The following PLEKHA4 variants were observed in gnomAD, a reference collection of about 807,000 sequenced individuals.
PLEKHA4 encodes pleckstrin homology domain containing A4, also known as pleckstrin homology domain-containing family A member 4.
In PLEKHA4, 73 loss-of-function variants were observed where a neutral mutation model predicts 94.7. The ratio of observed to expected loss-of-function variants is 0.77; its 90% CI spans 0.64 to 0.94. PLEKHA4 has a LOEUF of 0.94. Among genes scored for constraint, PLEKHA4 ranks in the 40% least tolerant of loss-of-function variants. PLEKHA4 has a pLI of 0.00. For missense variants in PLEKHA4, 1,049 were observed against 1,054.1 expected (o/e 1.00, Z 0.07); for synonymous variants, 449 against 437.1 (o/e 1.03, Z -0.34).
At chr19:48,862,994 A>G (rs1318611036) in intron 3 of PLEKHA4, among the ~76,000 whole-genome samples, 2 of 152,206 alleles carry the variant, frequency 1.3e-5, no homozygotes, top group African/African-American at 4.8e-5. Flanking sequence ...AGACACAGAG[A>G]GGCCAGGAAG....
At chr19:48,839,027 T>C (rs1466950061) in intron 18 of PLEKHA4, among the ~76,000 whole-genome samples, 178 bp downstream of exon 18, 1 of 152,162 alleles carries the variant, frequency 6.6e-6, no homozygotes, top group Non-Finnish European at 1.5e-5. Flanking sequence ...GAACTAAAGA[T>C]ATCACTACGG....
chr19:48,859,277 T>C, intron 7 of PLEKHA4, 138 bp from the exon 8 acceptor site: 1 of 903,336 alleles, frequency 1.1e-6, no homozygotes, highest in Non-Finnish European at 1.7e-6. Context: ...CCTCCTCTAC[T>C]GTCCAAATCC....
intron 9 of PLEKHA4, among the ~76,000 whole-genome samples, chr19:48,857,183 G>A (rs945069817): frequency 1.3e-5 from 2 of 152,114 alleles, no homozygotes; most frequent in African/African-American, 4.8e-5. Flanking sequence ...TTCAGTGGAA[G>A]TATAGCCCTG....
At position 48,845,441 on chromosome 19, in the gene PLEKHA4, C is replaced by G. The variant is rs764831677; in HGVS notation, c.1672G>C (p.Gly558Arg). The stretch of plus-strand genomic sequence containing the variant: ...GAAGCCCGGGAGACCCTCGGAGACC[C>G]AAGACCTGGAAAGACAGAACGGGAC... Reference protein sequence around the residue: ...KDLASPHLGLGSPRVSRASSP... With the variant: ...KDLASPHLGLRSPRVSRASSP... Residue 558 changes from glycine to arginine, a missense_variant, in exon 16 of 20, where the codon GGG becomes CGG. Physicochemically the swap from Gly to Arg is moderately radical, Grantham distance 125. Coordinates refer to ENST00000263265, the MANE Select transcript of PLEKHA4 (RefSeq NM_020904.3). 1.2e-6 allele frequency: 2 copies of G among 1,614,010 alleles called. No homozygotes were observed.
chr19:48,868,113 A>AAGAG lies in PLEKHA4; in HGVS notation c.-41_-38dup, dbSNP rs1398973780. The AAGAG allele has an allele frequency of 2.4e-4, 39 of 162,042 alleles. No homozygotes were observed. Among genetic ancestry groups the AAGAG allele is most frequent in the Admixed American group, 2.3e-3 (39 of 17,226 alleles). 10.0% of individuals were successfully genotyped at this position (162,042 alleles called of 1,614,324 possible). A position where few individuals can be genotyped will look rare whatever the true frequency, so the allele number is the denominator to read the frequency against. On this transcript the variant is annotated 5_prime_UTR_variant, in exon 1 of 20. Coordinates refer to ENST00000263265, the MANE Select transcript of PLEKHA4 (RefSeq NM_020904.3). ...TCTGGGGTCCCAGTGACGGGGGGGC[A>AAGAG]AGAGGACGGTGTGGGTGCTGCGGCA... is the stretch of plus-strand genomic sequence containing the variant.
chr19:48,867,257 CG>C lies in PLEKHA4; in HGVS notation c.84+279del, dbSNP rs912582704. 3.5e-3 allele frequency among the ~76,000 whole-genome samples: 539 copies of C among 152,158 alleles called. 5 individuals carry two copies. The highest frequency in any genetic ancestry group is 0.013 in the African/African-American group (520 of 41,522). On this transcript the variant is annotated intron_variant, in intron 2 of 19. Coordinates refer to ENST00000263265, the MANE Select transcript of PLEKHA4 (RefSeq NM_020904.3). This position sits in a 1 kb window ranked among gnomAD's most constrained non-coding sequence, Gnocchi z 4.7. ...AGAGCAGCCACTACTTCTCAGAACT[CG>C]AGGGGCCTCATGGCTGGGGAGCGGC...
chr19:48,838,352 C>A (rs2035622199), intron 18 of PLEKHA4: 1 of 335,626 alleles, frequency 3.0e-6, no homozygotes, highest in African/African-American at 2.1e-5. Context: ...GGGATGGATA[C>A]CCTATTCCCG....
rs200046215 is a variant in PLEKHA4, at chr19:48,858,937, G to A, written c.895C>T (p.Arg299Ter). 1.0e-5 allele frequency: 16 copies of A among 1,600,860 alleles called. No homozygotes were observed. The highest frequency in any genetic ancestry group is 1.8e-5 in the Admixed American group (1 of 55,262). ...CCCCCAGCCTCAGAGGGAGGTCCTCGGCGGGGAGTAGGGGGTCGGGAGAGG... is the reference window on the plus strand; with the variant it reads ...CCCCCAGCCTCAGAGGGAGGTCCTCAGCGGGGAGTAGGGGGTCGGGAGAGG... Reference protein sequence around the residue: ...QTLSRPPTPRRGPPSEAGGGK... With the variant: ...QTLSRPPTPR Residue 299 changes from arginine (R) to a stop codon, truncating the protein, a stop_gained, in exon 8 of 20, where the codon CGA becomes TGA. Transcript: ENST00000263265. LOFTEE classifies it high-confidence loss of function.
intron 16 of PLEKHA4, among the ~76,000 whole-genome samples, chr19:48,844,927 G>A (rs533832100): frequency 6.8e-5 from 10 of 146,954 alleles, no homozygotes; most frequent in Non-Finnish European, 1.2e-4. Context: ...CGATTCTCCT[G>A]CCTCAGCCTC....
In PLEKHA4 at chr19:48,853,886, GAAAGA is replaced by G. The variant is rs2036300196; in HGVS notation, c.1177-60_1177-56del. 3 of 1,587,638 alleles carry G rather than the reference GAAAGA, an allele frequency of 1.9e-6. No individual in the cohort carries two copies. In the Admixed American group the frequency reaches 5.5e-5, roughly 29 times the overall value. On this transcript the variant is annotated intron_variant, in intron 11 of 19. Coordinates refer to ENST00000263265, the MANE Select transcript of PLEKHA4 (RefSeq NM_020904.3). Reference sequence around the variant, plus strand: ...CAGAAGCCATGCCTAGCCCCAAGAAGAAAGAAAAGATGTCCTTTCACGTCCTGGAC... The same window carrying G: ...CAGAAGCCATGCCTAGCCCCAAGAAGAAAGATGTCCTTTCACGTCCTGGAC...
Position 48,860,475 on chromosome 19 carries a change from G to T in PLEKHA4, c.367-16C>A, listed in dbSNP as rs756567324. On this transcript the variant is annotated splice_polypyrimidine_tract_variant and intron_variant, in intron 5 of 19. Transcript: ENST00000263265. ...GGTGCTCTGCCTGCGGGAAGAGAAG[G>T]CTTGGAATCCGGACTCCCGGGCCTT... 1.4e-5 allele frequency: 23 copies of T among 1,603,206 alleles called. No homozygotes were observed. Among genetic ancestry groups the T allele is most frequent in the Non-Finnish European group, 2.0e-5 (23 of 1,170,338 alleles).
intron 13 of PLEKHA4, 145 bp from the exon 14 acceptor site, chr19:48,848,185 G>A: frequency 9.9e-7 from 1 of 1,008,952 alleles, no homozygotes; most frequent in Non-Finnish European, 1.4e-6. Flanking sequence ...TTATCCAGTT[G>A]AATTGAAAAA....
Position 48,867,528 on chromosome 19 carries a change from A to T in PLEKHA4, c.84+9T>A, listed in dbSNP as rs1420890747. 6.3e-7 allele frequency: 1 copy of T among 1,590,420 alleles called. No homozygotes were observed. The highest frequency in any genetic ancestry group is 8.5e-7 in the Non-Finnish European group (1 of 1,171,046). ...ACCTTCCTCCCCATCCCCGCCAGGA[A>T]GCTCAAACCTTGGGGCTCAGGCTGC... On this transcript the variant is annotated intron_variant, in intron 2 of 19. Transcript: ENST00000263265. The surrounding 1 kb of genome is among the most constrained non-coding windows in gnomAD (Gnocchi z 4.7).
At position 48,850,281 on chromosome 19, in the gene PLEKHA4, G is replaced by A. The variant is rs837620; in HGVS notation, c.1425+1947C>T. On this transcript the variant is annotated intron_variant, in intron 13 of 19. Coordinates refer to ENST00000263265, the MANE Select transcript of PLEKHA4 (RefSeq NM_020904.3). Reference sequence around the variant, plus strand: ...AGCACTTTGGGAGGCCGAGGCGGGTGGATCATGAGGTCAAGAGATCTAGAC... The same window carrying A: ...AGCACTTTGGGAGGCCGAGGCGGGTAGATCATGAGGTCAAGAGATCTAGAC... Among the ~76,000 whole-genome samples the A allele has an allele frequency of 3.8e-3, 572 of 151,990 alleles. 3 individuals are homozygous for A. Among genetic ancestry groups the A allele is most frequent in the African/African-American group, 0.013 (525 of 41,440 alleles).
At chr19:48,863,897 G>C (rs931244357) in intron 3 of PLEKHA4, among the ~76,000 whole-genome samples, 3 of 152,156 alleles carry the variant, frequency 2.0e-5, no homozygotes, top group Admixed American at 2.0e-4. Flanking sequence ...AGAGAGTTTT[G>C]AGTTTGAAGG....
rs868344012 is a variant in PLEKHA4 at position 48,865,584 on chromosome 19, G to A, written c.111C>T (p.Ile37=). ...CATTGCCTCTCTTCCCAAAGGCGTG[G>A]ATCTTGTTTACTGCCCGGGTGGGCT... ...PKKPTRAVNK[I]HAFGKRGNAL... Residue 37 remains isoleucine (I), a synonymous_variant, in exon 3 of 20, where the codon ATC becomes ATT. Coordinates refer to ENST00000263265, the MANE Select transcript of PLEKHA4 (RefSeq NM_020904.3). 6.2e-7 allele frequency: 1 copy of A among 1,613,956 alleles called. No individual in the cohort carries two copies. The highest frequency in any genetic ancestry group is 8.5e-7 in the Non-Finnish European group (1 of 1,179,936).
Position 48,868,494 on chromosome 19 carries a change from T to C in PLEKHA4, c.-418A>G, listed in dbSNP as rs1463878853. On this transcript the variant is annotated 5_prime_UTR_variant, in exon 1 of 20. Transcript: ENST00000263265. The stretch of plus-strand genomic sequence containing the variant: ...TCTCTCAGTCATCCCCTGTGTCCTC[T>C]CTCCTTCACACTCAGTCTCTTCCTC... 3 of 152,356 alleles carry C rather than the reference T, an allele frequency of 2.0e-5. No homozygotes were observed. Among genetic ancestry groups the C allele is most frequent in the East Asian group, 3.9e-4 (2 of 5,172 alleles). The allele number at this position is 152,356 out of a possible 1,614,324, so 9.4% of individuals were successfully genotyped here. A position where few individuals can be genotyped will look rare whatever the true frequency, so the allele number is the denominator to read the frequency against.
chr19:48,861,823 G>A (rs1056657298), intron 3 of PLEKHA4, 131 bp from the exon 4 acceptor site: 20 of 846,628 alleles, frequency 2.4e-5, no homozygotes, highest in Non-Finnish European at 3.3e-5. Flanking sequence ...ACATAAAGTA[G>A]GGATCAAGAG....
In PLEKHA4 at chr19:48,868,262, C is replaced by G. The variant is rs2036900412; in HGVS notation, c.-186G>C. On this transcript the variant is annotated 5_prime_UTR_variant, in exon 1 of 20. Transcript: ENST00000263265. ...CTCCTGTCTCTTACGGTCTCTCTCT[C>G]TCTCTCTTCCTTTTACACTACCTCT... 1 of 152,528 alleles carries G rather than the reference C, an allele frequency of 6.6e-6. No individual in the cohort carries two copies. The highest frequency in any genetic ancestry group is 6.5e-5 in the Admixed American group (1 of 15,280). The allele number at this position is 152,528 out of a possible 1,614,324, so 9.4% of individuals were successfully genotyped here.
Sources: allele counts gnomAD v4.1 joint callset (sites outside exome capture counted in the v4.1 genomes callset), GRCh38; gene constraint gnomAD v4.1.1; non-coding constraint Gnocchi (gnomAD v3.1); transcripts MANE v1.5; gene names NCBI Gene and HGNC (gene_info 2026-07-23, HGNC 2026-07-21).